ATP11A: variants seen among roughly 807,000 people sequenced by gnomAD.
ATP11A encodes the protein ATPase phospholipid transporting 11A, also known as phospholipid-transporting ATPase IH.
Under a neutral mutation model 154.4 loss-of-function variants are expected in ATP11A, and 81 were observed. That is an observed-to-expected ratio of 0.52 (90% CI 0.44 to 0.63). ATP11A has a LOEUF of 0.63. ATP11A is among the 30% of genes least tolerant of loss of function. The pLI is 0.00. For synonymous variants in ATP11A, 623 were observed against 585.9 expected (o/e 1.06, Z -0.91); for missense variants, 1,316 against 1,474.3 (o/e 0.89, Z 1.76).
intron 4 of ATP11A, among the ~76,000 whole-genome samples, chr13:112,809,552 C>T (rs1650300842): frequency 6.6e-6 from 1 of 152,042 alleles, no homozygotes; most frequent in African/African-American, 2.4e-5. Context: ...TTGTGTGTCT[C>T]AGCACACATG....
At chr13:112,842,225 T>A in intron 16 of ATP11A, 51 bp from the exon 17 acceptor site, 1 of 1,369,470 alleles carries the variant, frequency 7.3e-7, no homozygotes, top group East Asian at 2.4e-5. Context: ...TAAAAAATAA[T>A]CTAGTCTTCC....
rs544611678 is a variant in ATP11A at position 112,716,654 on chromosome 13, T to C, written c.39+26199T>C. ...TGAGCCAGGTCCTGACTCTCACCCA[T>C]GTCTTGGGCACGTCGATGGGGCCGG... is the stretch of plus-strand genomic sequence containing the variant. On this transcript the variant is annotated intron_variant, in intron 1 of 29. Transcript: ENST00000375645. Among the ~76,000 whole-genome samples, 157 of 152,248 alleles carry C rather than the reference T, an allele frequency of 1.0e-3. No individual in the cohort carries two copies. The East Asian group carries it at 0.012, about 12-fold the overall frequency.
chr13:112,866,421 G>T (rs970408683), intron 25 of ATP11A, among the ~76,000 whole-genome samples: 1 of 151,854 alleles, frequency 6.6e-6, no homozygotes, highest in South Asian at 2.1e-4. Flanking sequence ...GATGTTTTCC[G>T]AATTGACTGG....
Position 112,845,396 on chromosome 13 carries a change from G to A in ATP11A, c.1809+3017G>A, listed in dbSNP as rs1431103121. Among the ~76,000 whole-genome samples, 6 of 105,292 alleles carry A rather than the reference G, an allele frequency of 5.7e-5. 2 individuals carry two copies. Among genetic ancestry groups the A allele is most frequent in the Non-Finnish European group, 1.1e-4 (6 of 57,052 alleles). The allele number at this position is 105,292 out of a possible 152,430, so 69.1% of individuals were successfully genotyped here. On this transcript the variant is annotated intron_variant, in intron 17 of 29. Transcript: ENST00000375645. ...ATTCAGTCCAGTTGCCAGCACTAGC[G>A]GTACTATTCAGTCCAGTTGCCAGGC...
intron 1 of ATP11A, among the ~76,000 whole-genome samples, chr13:112,727,969 C>T (rs1890056671): frequency 6.6e-6 from 1 of 152,238 alleles, no homozygotes; most frequent in Non-Finnish European, 1.5e-5. Context: ...AGGGTTCCAG[C>T]AAGGGCCGTG....
chr13:112,752,071 G>C (rs781240773), intron 1 of ATP11A, among the ~76,000 whole-genome samples: 2 of 152,190 alleles, frequency 1.3e-5, no homozygotes, highest in Non-Finnish European at 2.9e-5. Context: ...AAGCCTTTCA[G>C]GAATTGGTCT....
rs553320869 is a variant in ATP11A at position 112,695,552 on chromosome 13, A to G, written c.39+5097A>G. On this transcript the variant is annotated intron_variant, in intron 1 of 29. Coordinates refer to ENST00000375645, the MANE Select transcript of ATP11A (RefSeq NM_015205.3). ...TCTTGAGGTGCTTTTATTTCTTGCCAGGGAGTGAATTTAATAACCTAGAGG... is the reference window on the plus strand; with the variant it reads ...TCTTGAGGTGCTTTTATTTCTTGCCGGGGAGTGAATTTAATAACCTAGAGG... Among the ~76,000 whole-genome samples the G allele has an allele frequency of 3.2e-4, 49 of 152,336 alleles. No individual in the cohort carries two copies. The Middle Eastern group carries it at 0.01, about 32-fold the overall frequency.
At chr13:112,693,394 A>G (rs1284001714) in intron 1 of ATP11A, among the ~76,000 whole-genome samples, 2 of 117,500 alleles carry the variant, frequency 1.7e-5, no homozygotes, top group African/African-American at 6.9e-5. Flanking sequence ...TATGCTCCCT[A>G]GGGTGATGTA....
Position 112,878,627 on chromosome 13 carries a change from T to C in ATP11A, c.*9+324T>C, listed in dbSNP as rs546846042. On this transcript the variant is annotated intron_variant, in intron 29 of 29. Coordinates refer to ENST00000375645, the MANE Select transcript of ATP11A (RefSeq NM_015205.3). ...ACCCCTCACACAGGTGTCAGAGGGGTTCCTAAGCAGGAAGGTGTGAGAGTT... is the reference window on the plus strand; with the variant it reads ...ACCCCTCACACAGGTGTCAGAGGGGCTCCTAAGCAGGAAGGTGTGAGAGTT... 5.3e-5 allele frequency among the ~76,000 whole-genome samples: 8 copies of C among 151,724 alleles called. No homozygotes were observed. The East Asian group carries it at 1.6e-3, about 29-fold the overall frequency.
intron 25 of ATP11A, among the ~76,000 whole-genome samples, chr13:112,868,233 G>C (rs1235454380): frequency 6.6e-6 from 1 of 152,236 alleles, no homozygotes; most frequent in East Asian, 1.9e-4. Flanking sequence ...TCCGCGTATG[G>C]GCCAGGTGGG....
chr13:112,728,191 A>G (rs1421362894), intron 1 of ATP11A, among the ~76,000 whole-genome samples: 2 of 152,190 alleles, frequency 1.3e-5, no homozygotes, highest in Non-Finnish European at 2.9e-5. Flanking sequence ...AAAGCCAGTC[A>G]CTGACCTTTA....
At chr13:112,721,489 C>A (rs571175263) in intron 1 of ATP11A, among the ~76,000 whole-genome samples, 1 of 152,322 alleles carries the variant, frequency 6.6e-6, no homozygotes, top group East Asian at 1.9e-4. Context: ...GTCACCCTGG[C>A]AGCACACTGC....
At chr13:112,812,332 C>T (rs908645195) in intron 5 of ATP11A, among the ~76,000 whole-genome samples, 8 of 152,220 alleles carry the variant, frequency 5.3e-5, no homozygotes, top group Admixed American at 2.6e-4. Flanking sequence ...CACTGGTCCT[C>T]GTGCACCCTG....
At chr13:112,837,464 C>T (rs957300943) in intron 16 of ATP11A, among the ~76,000 whole-genome samples, 1 of 152,248 alleles carries the variant, frequency 6.6e-6, no homozygotes, top group Non-Finnish European at 1.5e-5. Flanking sequence ...AACGCAGAAC[C>T]GATGCTCTTC....
chr13:112,849,356 TAGC>T (rs1204241003), intron 17 of ATP11A, among the ~76,000 whole-genome samples: 1 of 152,226 alleles, frequency 6.6e-6, no homozygotes, highest in Non-Finnish European at 1.5e-5. Context: ...TCGTAGTACT[TAGC>T]AGGAGGAATA....
chr13:112,737,999 A>G (rs1281663362), intron 1 of ATP11A, among the ~76,000 whole-genome samples: 2 of 152,108 alleles, frequency 1.3e-5, no homozygotes, highest in Admixed American at 6.5e-5. Context: ...TTCTGAACCC[A>G]AGCTATGGTC....
chr13:112,730,840 C>T lies in ATP11A; in HGVS notation c.39+40385C>T, dbSNP rs10467702. Among the ~76,000 whole-genome samples, 600 of 152,300 alleles carry T rather than the reference C, an allele frequency of 3.9e-3. 3 individuals are homozygous for T. The highest frequency in any genetic ancestry group is 0.014 in the African/African-American group (568 of 41,542). On this transcript the variant is annotated intron_variant, in intron 1 of 29. Coordinates refer to ENST00000375645, the MANE Select transcript of ATP11A (RefSeq NM_015205.3). ...AGGGAGGATTTTCGGAATTAGATGC[C>T]GCTGTGACGGCAGCAGGTCGGTGGC...
chr13:112,827,679 G>A (rs916006210), intron 12 of ATP11A, among the ~76,000 whole-genome samples: 7 of 152,350 alleles, frequency 4.6e-5, no homozygotes, highest in South Asian at 2.1e-4. Flanking sequence ...AAGAAATAGC[G>A]ATTTTGAAGG....
At chr13:112,848,568 C>T (rs1227857909) in intron 17 of ATP11A, among the ~76,000 whole-genome samples, 3 of 152,230 alleles carry the variant, frequency 2.0e-5, no homozygotes, top group Admixed American at 6.5e-5. Context: ...AATCCTCTCA[C>T]TTAGAGCATC....
Sources: gnomAD v4.1 joint callset for allele counts (sites outside exome capture counted in the v4.1 genomes callset) on GRCh38, gnomAD v4.1.1 for gene constraint, MANE v1.5 for transcripts, NCBI Gene and HGNC (gene_info 2026-07-23, HGNC 2026-07-21) for gene names.